Variants in PPM1H observed in about 807,000 individuals in gnomAD.
The protein encoded by PPM1H is protein phosphatase 1H.
PPM1H carries 27 observed loss-of-function variants against 54.9 expected under a neutral mutation model. That is an observed-to-expected ratio of 0.49 (90% CI 0.36 to 0.68). The LOEUF is 0.68. Among genes scored for constraint, PPM1H ranks in the 30% least tolerant of loss-of-function variants. PPM1H has a pLI of 0.00. For missense variants in PPM1H, 596 were observed against 667.8 expected (o/e 0.89, Z 1.19); for synonymous variants, 305 against 270.8 (o/e 1.13, Z -1.24).
Position 62,931,097 on chromosome 12 carries a change from A to G in PPM1H, c.245+3395T>C, listed in dbSNP as rs539285764. 1.3e-3 allele frequency among the ~76,000 whole-genome samples: 203 copies of G among 152,210 alleles called. 1 individual carries two copies. The highest frequency in any genetic ancestry group is 2.4e-3 in the Non-Finnish European group (166 of 68,020). Reference sequence around the variant, plus strand: ...GATTAACAGTAAGTGGCAAAAGATTAGACCATTTCTCCTTAATTTTTCTAC... The same window carrying G: ...GATTAACAGTAAGTGGCAAAAGATTGGACCATTTCTCCTTAATTTTTCTAC... On this transcript the variant is annotated intron_variant, in intron 1 of 9. Coordinates refer to ENST00000228705, the MANE Select transcript of PPM1H (RefSeq NM_020700.2).
intron 2 of PPM1H, among the ~76,000 whole-genome samples, chr12:62,812,698 A>G (rs1207238130): frequency 4.6e-5 from 7 of 151,630 alleles, no homozygotes; most frequent in Admixed American, 4.6e-4. Flanking sequence ...CAGTAGGCTC[A>G]CTATCACATT....
intron 4 of PPM1H, among the ~76,000 whole-genome samples, chr12:62,776,574 A>G (rs972143079): frequency 7.9e-5 from 12 of 152,216 alleles, no homozygotes; most frequent in Non-Finnish European, 1.5e-4. Flanking sequence ...CTTTAAGCAC[A>G]TCATCTGTAA....
intron 1 of PPM1H, among the ~76,000 whole-genome samples, chr12:62,839,789 G>A (rs939265996): frequency 2.6e-5 from 4 of 151,182 alleles, no homozygotes; most frequent in African/African-American, 9.8e-5. Context: ...TGTAATCCCA[G>A]CACTTTGGGA....
rs376048798 is a variant in PPM1H, at chr12:62,646,054, T to G, written c.*2435A>C. ...CTTCGTTTACATCATGTTTCCTACTTTTGATTTCTTCATCTTATTTATAGT... is the reference window on the plus strand; with the variant it reads ...CTTCGTTTACATCATGTTTCCTACTGTTGATTTCTTCATCTTATTTATAGT... On this transcript the variant is annotated 3_prime_UTR_variant, in exon 10 of 10. Coordinates refer to ENST00000228705, the MANE Select transcript of PPM1H (RefSeq NM_020700.2). 3 of 152,240 alleles carry G rather than the reference T, an allele frequency of 2.0e-5. No individual in the cohort carries two copies. In the East Asian group the frequency reaches 5.8e-4, roughly 29 times the overall value. 9.4% of individuals were successfully genotyped at this position (152,240 alleles called of 1,614,324 possible).
Position 62,846,273 on chromosome 12 carries a change from C to T in PPM1H, c.246-13994G>A, listed in dbSNP as rs569429577. Reference sequence around the variant, plus strand: ...CAGCACTTTGGGAGGCCAAGGCAGGCGGATCATCTGAGGTAAGGAGTTCGA... The same window carrying T: ...CAGCACTTTGGGAGGCCAAGGCAGGTGGATCATCTGAGGTAAGGAGTTCGA... On this transcript the variant is annotated intron_variant, in intron 1 of 9. Coordinates refer to ENST00000228705, the MANE Select transcript of PPM1H (RefSeq NM_020700.2). 3.2e-3 allele frequency among the ~76,000 whole-genome samples: 488 copies of T among 152,104 alleles called. 2 individuals carry two copies. Among genetic ancestry groups the T allele is most frequent in the Non-Finnish European group, 5.4e-3 (364 of 67,972 alleles).
intron 1 of PPM1H, among the ~76,000 whole-genome samples, chr12:62,863,445 G>A (rs648511): frequency 0.14 from 21,284 of 152,226 alleles, 1,676 homozygotes; most frequent in East Asian, 0.37. Context: ...GCAAAAGGGT[G>A]TCTAATACTA....
intron 2 of PPM1H, among the ~76,000 whole-genome samples, chr12:62,805,781 G>A (rs1252840056): frequency 1.3e-5 from 2 of 152,132 alleles, no homozygotes; most frequent in African/African-American, 2.4e-5. Context: ...TGTACAGTAT[G>A]GTGACTTTAG....
At chr12:62,763,025 A>G (rs1051027354) in intron 4 of PPM1H, among the ~76,000 whole-genome samples, 6 of 152,050 alleles carry the variant, frequency 3.9e-5, no homozygotes, top group Non-Finnish European at 8.8e-5. Flanking sequence ...TACTGTGTCT[A>G]ATTTCTCTTC....
At chr12:62,810,912 T>C (rs996979671) in intron 2 of PPM1H, among the ~76,000 whole-genome samples, 2 of 152,214 alleles carry the variant, frequency 1.3e-5, no homozygotes, top group Non-Finnish European at 2.9e-5. Context: ...GGAGCCTCCT[T>C]TCCTATGTGC....
chr12:62,697,013 T>C (rs2076118481), intron 6 of PPM1H, among the ~76,000 whole-genome samples: 1 of 152,158 alleles, frequency 6.6e-6, no homozygotes, highest in Non-Finnish European at 1.5e-5. Context: ...GGAAGGGGAA[T>C]TTTCTGTGTG....
At chr12:62,664,044 C>A (rs933216394) in intron 9 of PPM1H, among the ~76,000 whole-genome samples, 4 of 151,432 alleles carry the variant, frequency 2.6e-5, no homozygotes, top group Non-Finnish European at 2.9e-5. Flanking sequence ...GAATATAGAC[C>A]GAACTAGCCA....
At chr12:62,783,525 G>A (rs2076654048) in intron 4 of PPM1H, among the ~76,000 whole-genome samples, 1 of 152,218 alleles carries the variant, frequency 6.6e-6, no homozygotes, top group South Asian at 2.1e-4. Flanking sequence ...CCCAGTCTTG[G>A]GCGGGTGGTG....
chr12:62,688,608 C>T (rs2136636284), intron 8 of PPM1H, among the ~76,000 whole-genome samples: 1 of 152,106 alleles, frequency 6.6e-6, no homozygotes, highest in East Asian at 1.9e-4. Flanking sequence ...AAATATATGA[C>T]CAACTTGTTT....
chr12:62,861,694 A>G (rs1869607550), intron 1 of PPM1H, among the ~76,000 whole-genome samples: 1 of 152,222 alleles, frequency 6.6e-6, no homozygotes, highest in Admixed American at 6.5e-5. Context: ...GACTTCCTGG[A>G]AGGAATCAGT....
chr12:62,647,017 G>A lies in PPM1H; in HGVS notation c.*1472C>T, dbSNP rs2075789508. On this transcript the variant is annotated 3_prime_UTR_variant, in exon 10 of 10. Transcript: ENST00000228705. Reference sequence around the variant, plus strand: ...TTTAATTACTCAAAGTTGTCAAAATGGTGGCAATACCTCAGTAGCTCAGCA... The same window carrying A: ...TTTAATTACTCAAAGTTGTCAAAATAGTGGCAATACCTCAGTAGCTCAGCA... The A allele has an allele frequency of 6.6e-6, 1 of 152,188 alleles. No homozygotes were observed. The highest frequency in any genetic ancestry group is 2.4e-5 in the African/African-American group (1 of 41,432). The allele number at this position is 152,188 out of a possible 1,614,324, so 9.4% of individuals were successfully genotyped here. A position where few individuals can be genotyped will look rare whatever the true frequency, so the allele number is the denominator to read the frequency against.
chr12:62,862,145 CA>C (rs1381457339), intron 1 of PPM1H, among the ~76,000 whole-genome samples: 1 of 152,158 alleles, frequency 6.6e-6, no homozygotes, highest in East Asian at 1.9e-4. Context: ...AAGATCATGA[CA>C]GACCCAGAGA....
At chr12:62,822,372 G>A (rs982786662) in intron 2 of PPM1H, among the ~76,000 whole-genome samples, 5 of 152,126 alleles carry the variant, frequency 3.3e-5, no homozygotes, top group Admixed American at 3.3e-4. Context: ...CGATATCCAG[G>A]ACTTGAACTC....
At chr12:62,825,806 A>C (rs1868284284) in intron 2 of PPM1H, among the ~76,000 whole-genome samples, 1 of 150,554 alleles carries the variant, frequency 6.6e-6, no homozygotes, top group Admixed American at 6.6e-5. Context: ...TGGGTGCAGC[A>C]AACCAACATG....
chr12:62,658,895 G>T, intron 9 of PPM1H: 3 of 651,778 alleles, frequency 4.6e-6, no homozygotes, highest in East Asian at 3.2e-5. Context: ...GCACCAGTCT[G>T]ACCAATATGT....
Sources: gnomAD v4.1 joint callset for allele counts (sites outside exome capture counted in the v4.1 genomes callset) on GRCh38, gnomAD v4.1.1 for gene constraint, MANE v1.5 for transcripts, NCBI Gene and HGNC (gene_info 2026-07-23, HGNC 2026-07-21) for gene names.